The following KLHL32 variants were observed in gnomAD, a reference collection of about 807,000 sequenced individuals.
KLHL32 encodes kelch-like protein 32.
Under a neutral mutation model 64.8 loss-of-function variants are expected in KLHL32, and 35 were observed. The observed-to-expected ratio is 0.54, with a 90% CI of 0.41 to 0.72. KLHL32 has a LOEUF of 0.72. KLHL32 is among the 30% of genes least tolerant of loss of function. The probability of loss-of-function intolerance (pLI) is 0.00; values close to 1 mark genes in which losing one functional copy is unlikely to be tolerated. For synonymous variants in KLHL32, 259 were observed against 281.0 expected (o/e 0.92, Z 0.78); for missense variants, 589 against 768.5 (o/e 0.77, Z 2.76).
intron 1 of KLHL32, among the ~76,000 whole-genome samples, chr6:96,958,043 G>A (rs78847741): frequency 0.035 from 5,317 of 152,286 alleles, 129 homozygotes; most frequent in African/African-American, 0.061. Context: ...GATAGATGTG[G>A]ATCCTGCCCA....
chr6:97,053,678 T>C (rs1787319562), intron 4 of KLHL32, among the ~76,000 whole-genome samples: 1 of 152,020 alleles, frequency 6.6e-6, no homozygotes, highest in South Asian at 2.1e-4. Context: ...GTAATTTACT[T>C]CAACTTCTTT....
chr6:97,091,564 A>G (rs573773864), intron 6 of KLHL32, among the ~76,000 whole-genome samples: 2 of 152,244 alleles, frequency 1.3e-5, no homozygotes, highest in Admixed American at 6.5e-5. Flanking sequence ...CACCTGCCCA[A>G]TGCCTTCCCA....
At chr6:96,965,760 G>A (rs11153286) in intron 1 of KLHL32, among the ~76,000 whole-genome samples, 34,719 of 152,010 alleles carry the variant, frequency 0.23, 4,654 homozygotes, top group African/African-American at 0.37. Context: ...CTGACTGCCC[G>A]TGCTGCTCAG....
chr6:97,095,115 A>G (rs1429592792), intron 6 of KLHL32, among the ~76,000 whole-genome samples: 1 of 152,222 alleles, frequency 6.6e-6, no homozygotes, highest in South Asian at 2.1e-4. Flanking sequence ...AAGTCAGCCA[A>G]TCACAATGGA....
chr6:97,099,642 T>C (rs1044909929), intron 6 of KLHL32, among the ~76,000 whole-genome samples: 1 of 152,230 alleles, frequency 6.6e-6, no homozygotes, highest in African/African-American at 2.4e-5. Context: ...GCTATCTCTC[T>C]ACATCTCTGA....
At chr6:97,072,818 G>T (rs574552343) in intron 5 of KLHL32, among the ~76,000 whole-genome samples, 17 of 151,966 alleles carry the variant, frequency 1.1e-4, no homozygotes, top group Non-Finnish European at 2.4e-4. Context: ...TTAATTATGG[G>T]CAATCTTCTG....
chr6:96,903,784 A>G, the KLHL32 span, among the ~76,000 whole-genome samples: 1 of 152,244 alleles, frequency 6.6e-6, no homozygotes, highest in African/African-American at 2.4e-5. Flanking sequence ...AAATACATTT[A>G]GCTAACAGGG....
chr6:97,054,930 T>C lies in KLHL32; in HGVS notation c.313-9698T>C, dbSNP rs139187336. 8.9e-4 allele frequency among the ~76,000 whole-genome samples: 135 copies of C among 152,006 alleles called. 2 individuals carry two copies. The East Asian group carries it at 0.02, about 22-fold the overall frequency. ...CCCCAGCCTGGGCAACAGAGTGAGA[T>C]CCTGTCTAAAAAAAATATAAGAGAG... On this transcript the variant is annotated intron_variant, in intron 4 of 10. Transcript: ENST00000369261.
chr6:97,105,708 G>C (rs563936955), intron 6 of KLHL32, among the ~76,000 whole-genome samples: 7 of 152,064 alleles, frequency 4.6e-5, no homozygotes, highest in Non-Finnish European at 1.0e-4. Context: ...AGCTCTTCAT[G>C]ATGAGCTCTG....
At chr6:97,051,578 T>C (rs1786917048) in intron 4 of KLHL32, among the ~76,000 whole-genome samples, 1 of 152,212 alleles carries the variant, frequency 6.6e-6, no homozygotes, top group South Asian at 2.1e-4. Context: ...GGTGTGCATC[T>C]GAGATTTTTA....
intron 10 of KLHL32, among the ~76,000 whole-genome samples, chr6:97,138,655 C>T (rs1800339742): frequency 6.6e-6 from 1 of 152,120 alleles, no homozygotes; most frequent in African/African-American, 2.4e-5. Flanking sequence ...TTTGAATTTG[C>T]TACTAAGCTG....
intron 3 of KLHL32, among the ~76,000 whole-genome samples, chr6:97,034,258 C>T (rs113089448): frequency 5.3e-5 from 8 of 152,096 alleles, no homozygotes; most frequent in South Asian, 2.1e-4. Context: ...TTTCCTGCAC[C>T]GTATATTGAA....
At chr6:97,126,344 GT>G (rs147910554) in intron 7 of KLHL32, among the ~76,000 whole-genome samples, 8,538 of 141,798 alleles carry the variant, frequency 0.06, 712 homozygotes, top group African/African-American at 0.2. Flanking sequence ...GCTGTTTTAT[GT>G]TTTTTTTTTT....
At chr6:96,951,716 G>A (rs1214575670) in intron 1 of KLHL32, among the ~76,000 whole-genome samples, 3 of 152,106 alleles carry the variant, frequency 2.0e-5, no homozygotes, top group Non-Finnish European at 2.9e-5. Flanking sequence ...TAATTAAGTT[G>A]TATACCTTGT....
At chr6:97,105,643 CT>C (rs1318371829) in intron 6 of KLHL32, 3 of 369,190 alleles carry the variant, frequency 8.1e-6, no homozygotes, top group Non-Finnish European at 1.6e-5. Context: ...ATAGCTGCCC[CT>C]GGCCAAGGAG....
At chr6:97,130,698 G>A (rs1217417132) in intron 8 of KLHL32, 59 bp from the exon 9 acceptor site, 26 of 1,385,392 alleles carry the variant, frequency 1.9e-5, no homozygotes, top group Non-Finnish European at 2.6e-5. Context: ...GGCACTCGTT[G>A]CTGTTTTCTG....
upstream of KLHL32, among the ~76,000 whole-genome samples, chr6:96,920,547 G>A (rs560557421): frequency 1.3e-5 from 2 of 151,940 alleles, no homozygotes; most frequent in African/African-American, 4.8e-5. Flanking sequence ...TCCTGAGCCA[G>A]TAAAATGGAA....
the KLHL32 span, among the ~76,000 whole-genome samples, chr6:96,908,145 A>ATT: frequency 6.6e-6 from 1 of 152,242 alleles, no homozygotes; most frequent in Non-Finnish European, 1.5e-5. Flanking sequence ...CAAAGCTACC[A>ATT]ATGGTAGAGT....
At chr6:97,083,909 T>C (rs1792986435) in intron 5 of KLHL32, among the ~76,000 whole-genome samples, 1 of 152,200 alleles carries the variant, frequency 6.6e-6, no homozygotes, top group African/African-American at 2.4e-5. Flanking sequence ...TTACACATGG[T>C]TTAACCAAAA....
Sources: gnomAD v4.1 joint callset for allele counts (sites outside exome capture counted in the v4.1 genomes callset) on GRCh38, gnomAD v4.1.1 for gene constraint, MANE v1.5 for transcripts, NCBI Gene and HGNC (gene_info 2026-07-23, HGNC 2026-07-21) for gene names.